Variants in CFAP74 observed in about 807,000 individuals in gnomAD.
The protein encoded by CFAP74 is cilia- and flagella-associated protein 74.
A neutral mutation model predicts 188.9 loss-of-function variants in CFAP74; 124 were observed. The ratio of observed to expected loss-of-function variants is 0.66; its 90% CI spans 0.57 to 0.76. The LOEUF (loss-of-function observed/expected upper bound fraction) is 0.76. CFAP74 is among the 30% of genes least tolerant of loss of function. The pLI is 0.00. For synonymous variants in CFAP74, 956 were observed against 916.7 expected, an observed-to-expected ratio of 1.04 and a Z score of -0.77; for missense variants, 2,198 against 2,165.2, an observed-to-expected ratio of 1.02 and a Z score of -0.30.
intron 33 of CFAP74, among the ~76,000 whole-genome samples, 193 bp from the exon 34 acceptor site, chr1:1,924,713 C>T (rs1027205046): frequency 6.6e-6 from 1 of 152,194 alleles, no homozygotes; most frequent in African/African-American, 2.4e-5. Context: ...CTCTCATCAG[C>T]CTTTGCTAGG....
chr1:1,922,322 C>T lies in CFAP74; in HGVS notation c.4885G>A (p.Val1629Ile). 1 of 1,606,178 alleles carries T rather than the reference C, an allele frequency of 6.2e-7. No individual in the cohort carries two copies. Among genetic ancestry groups the T allele is most frequent in the Non-Finnish European group, 8.5e-7 (1 of 1,177,900 alleles). Residue 1629 changes from valine (V) to isoleucine (I), a missense_variant, in exon 39 of 39, where the codon GTC becomes ATC. Physicochemically the swap from Val to Ile is conservative, Grantham distance 29. Transcript: ENST00000682832. ...LRGDVKETYKVIFVAQVLTGP is the reference protein window; with the variant it reads ...LRGDVKETYKIIFVAQVLTGP ...GTCAACACCTGGGCTACAAAGATGACCTTGTAGGTCTCCTTCACATCCCCC... is the reference window on the plus strand; with the variant it reads ...GTCAACACCTGGGCTACAAAGATGATCTTGTAGGTCTCCTTCACATCCCCC...
chr1:1,927,923 C>T (rs1324718962), intron 27 of CFAP74, 177 bp from the exon 28 acceptor site: 2 of 623,346 alleles, frequency 3.2e-6, no homozygotes, highest in East Asian at 2.8e-5. Flanking sequence ...GAGGGGCACA[C>T]AGACCCCCAC....
chr1:1,937,578 G>A (rs1402315581), intron 25 of CFAP74, among the ~76,000 whole-genome samples: 3 of 152,088 alleles, frequency 2.0e-5, no homozygotes, highest in Non-Finnish European at 2.9e-5. Context: ...ACCTCAACTC[G>A]GCTCACATCG....
intron 6 of CFAP74, among the ~76,000 whole-genome samples, chr1:1,983,251 G>A (rs1303735385): frequency 3.9e-5 from 6 of 152,182 alleles, no homozygotes; most frequent in Admixed American, 6.5e-5. Context: ...CAAGAAACAC[G>A]GAGGGATGCC....
chr1:1,940,976 G>A (rs1653328753), intron 22 of CFAP74, among the ~76,000 whole-genome samples: 1 of 152,120 alleles, frequency 6.6e-6, no homozygotes, highest in Non-Finnish European at 1.5e-5. Context: ...AGCCGGGCGT[G>A]GTGGCGGGCG....
chr1:1,934,446 T>TGTA lies in CFAP74; in HGVS notation c.3012-4111_3012-4110insTAC, dbSNP rs397788114. On this transcript the variant is annotated intron_variant, in intron 25 of 38. Coordinates refer to ENST00000682832, the MANE Select transcript of CFAP74 (RefSeq NM_001304360.2). ...TGTGTTGTAGGTACACATGTGTGTA[T>TGTA]TAGGTTGTAGGTACACAGGTGTGTA... Among the ~76,000 whole-genome samples the TGTA allele has an allele frequency of 1.1e-4, 13 of 122,534 alleles. 1 individual carries two copies. Among genetic ancestry groups the TGTA allele is most frequent in the Non-Finnish European group, 1.4e-4 (8 of 59,186 alleles). 80.4% of individuals were successfully genotyped at this position (122,534 alleles called of 152,430 possible).
At chr1:1,935,972 C>G (rs371820119) in intron 25 of CFAP74, among the ~76,000 whole-genome samples, 13 of 151,996 alleles carry the variant, frequency 8.6e-5, no homozygotes, top group Admixed American at 2.6e-4. Context: ...AATCCCAGCA[C>G]TTTGGGAGGC....
chr1:1,990,775 G>T, intron 2 of CFAP74, 115 bp downstream of exon 2: 1 of 650,734 alleles, frequency 1.5e-6, no homozygotes. Context: ...AGAAAAATAT[G>T]AGTGTAAAAG....
intron 18 of CFAP74, among the ~76,000 whole-genome samples, chr1:1,952,772 T>G (rs769888702): frequency 2.6e-5 from 4 of 152,014 alleles, no homozygotes; most frequent in Non-Finnish European, 5.9e-5. Flanking sequence ...TTCCTGCCTT[T>G]GTCCCCCAAG....
At chr1:1,922,884 G>A in intron 37 of CFAP74, 101 bp downstream of exon 37, 1 of 1,492,028 alleles carries the variant, frequency 6.7e-7, no homozygotes, top group Non-Finnish European at 9.0e-7. Flanking sequence ...CGGCTGTCAG[G>A]ACAAGCCCAG....
At chr1:1,971,026 CATG>C (rs1655956900) in intron 9 of CFAP74, among the ~76,000 whole-genome samples, 1 of 148,484 alleles carries the variant, frequency 6.7e-6, no homozygotes, top group African/African-American at 2.5e-5. Flanking sequence ...ACACATCACA[CATG>C]CACACCTGCA....
chr1:1,964,611 G>A (rs1655329669), intron 13 of CFAP74, among the ~76,000 whole-genome samples: 1 of 152,226 alleles, frequency 6.6e-6, no homozygotes, highest in Admixed American at 6.5e-5. Context: ...CCTACATGGT[G>A]AAACCCCGTC....
rs1238143584 is a variant in CFAP74 at position 1,923,138 on chromosome 1, G to A, written c.4530C>T (p.Ser1510=). 1.2e-6 allele frequency: 2 copies of A among 1,607,682 alleles called. No homozygotes were observed. Among genetic ancestry groups the A allele is most frequent in the South Asian group, 2.2e-5 (2 of 90,482 alleles). The change falls in exon 37 of 39, where the codon TCC becomes TCT. Residue 1510 remains serine (S), a synonymous_variant. Transcript: ENST00000682832. This position sits in a 1 kb window ranked among gnomAD's most constrained non-coding sequence, Gnocchi z 6.3. ...VFDPRHREAS[S]RPGPLSPEAE... is the part of the protein sequence containing the mutation. ...CTTCTGGAGAGAGAGGGCCTGGCCGGGAGCTGGCTGGAGGGGTGTGGCCAG... is the reference window on the plus strand; with the variant it reads ...CTTCTGGAGAGAGAGGGCCTGGCCGAGAGCTGGCTGGAGGGGTGTGGCCAG...
At position 1,933,130 on chromosome 1, in the gene CFAP74, C is replaced by T. The variant is rs540716824; in HGVS notation, c.3012-2794G>A. On this transcript the variant is annotated intron_variant, in intron 25 of 38. Transcript: ENST00000682832. Reference sequence around the variant, plus strand: ...CTTGATCTCCTGACCTCGTGATCTGCGCACCTCGGCCTCCCAAAGTGCTGG... The same window carrying T: ...CTTGATCTCCTGACCTCGTGATCTGTGCACCTCGGCCTCCCAAAGTGCTGG... 1.1e-4 allele frequency among the ~76,000 whole-genome samples: 16 copies of T among 151,642 alleles called. No homozygotes were observed. In the East Asian group the frequency reaches 2.9e-3, roughly 28 times the overall value.
intron 1 of CFAP74, among the ~76,000 whole-genome samples, 162 bp downstream of exon 1, chr1:2,003,539 T>C (rs377084438): frequency 3.5e-4 from 54 of 152,162 alleles, no homozygotes; most frequent in African/African-American, 1.2e-3. Context: ...AGCGCCGGGG[T>C]TCCCTGAAAC....
At position 1,960,150 on chromosome 1, in the gene CFAP74, C is replaced by G. The variant is rs771878787; in HGVS notation, c.1695-120G>C. 7.6e-6 allele frequency: 6 copies of G among 791,230 alleles called. No homozygotes were observed. In the African/African-American group the frequency reaches 1.1e-4, roughly 15 times the overall value. The allele number at this position is 791,230 out of a possible 1,614,324, so 49.0% of individuals were successfully genotyped here. On this transcript the variant is annotated intron_variant, in intron 14 of 38. Coordinates refer to ENST00000682832, the MANE Select transcript of CFAP74 (RefSeq NM_001304360.2). ...CCTCCTCCCCATCCCGGGCCTGGCC[C>G]CCTGCCCAGCCGCCTTCACCCCGGG...
chr1:1,970,723 C>T lies in CFAP74; in HGVS notation c.982G>A (p.Gly328Ser). 1 of 1,614,146 alleles carries T rather than the reference C, an allele frequency of 6.2e-7. No individual in the cohort carries two copies. Among genetic ancestry groups the T allele is most frequent in the Non-Finnish European group, 8.5e-7 (1 of 1,180,004 alleles). ...QAEKKAILAQ[G>S]RDAFRHLVHQ... is the part of the protein sequence containing the mutation. Reference sequence around the variant, plus strand: ...ACAAGGTGCCTGAATGCATCCCTGCCCTGGGCCAGAATCGCCTTCTTCTCA... The same window carrying T: ...ACAAGGTGCCTGAATGCATCCCTGCTCTGGGCCAGAATCGCCTTCTTCTCA... Residue 328 changes from glycine to serine, a missense_variant, in exon 10 of 39, where the codon GGC (glycine) becomes AGC (serine). Physicochemically the swap from Gly to Ser is moderately conservative, Grantham distance 56. Coordinates refer to ENST00000682832, the MANE Select transcript of CFAP74 (RefSeq NM_001304360.2).
intron 6 of CFAP74, among the ~76,000 whole-genome samples, chr1:1,976,683 C>T (rs998386974): frequency 7.2e-5 from 11 of 152,182 alleles, no homozygotes; most frequent in Admixed American, 5.9e-4. Context: ...GCTGGGATTA[C>T]AGGCATGCAC....
rs111674991 is a variant in CFAP74, at chr1:1,935,300, A to G, written c.3011+3555T>C. ...TGTTAGGTTGTAGGTACACAGGTGT[A>G]TACGTGGGTGTTAGGTTGTAGGTAC... On this transcript the variant is annotated intron_variant, in intron 25 of 38. Coordinates refer to ENST00000682832, the MANE Select transcript of CFAP74 (RefSeq NM_001304360.2). Among the ~76,000 whole-genome samples the G allele has an allele frequency of 5.9e-3, 256 of 43,748 alleles. 2 individuals are homozygous for G. Among genetic ancestry groups the G allele is most frequent in the South Asian group, 9.2e-3 (8 of 868 alleles). 28.7% of individuals were successfully genotyped at this position (43,748 alleles called of 152,430 possible). A position where few individuals can be genotyped will look rare whatever the true frequency, so the allele number is the denominator to read the frequency against.
Sources: allele counts gnomAD v4.1 joint callset (sites outside exome capture counted in the v4.1 genomes callset), GRCh38; gene constraint gnomAD v4.1.1; non-coding constraint Gnocchi (gnomAD v3.1); transcripts MANE v1.5; gene names NCBI Gene and HGNC (gene_info 2026-07-23, HGNC 2026-07-21).